ZCCHC24: variants seen among roughly 807,000 people sequenced by gnomAD.
ZCCHC24 encodes zinc finger CCHC domain-containing protein 24.
In ZCCHC24, 10 loss-of-function variants were observed where a neutral mutation model predicts 26.2. The ratio of observed to expected loss-of-function variants is 0.38; its 90% CI spans 0.24 to 0.65. The LOEUF is 0.65. Among genes scored for constraint, ZCCHC24 ranks in the 30% least tolerant of loss-of-function variants. The pLI is 0.54. For synonymous variants in ZCCHC24, 144 were observed against 147.1 expected, an observed-to-expected ratio of 0.98 and a Z score of 0.15; for missense variants, 243 against 329.1, an observed-to-expected ratio of 0.74 and a Z score of 2.03.
At chr10:79,444,776 C>T (rs943245721) in intron 1 of ZCCHC24, among the ~76,000 whole-genome samples, 4 of 152,220 alleles carry the variant, frequency 2.6e-5, no homozygotes, top group African/African-American at 7.2e-5. Context: ...CACTCTCGGT[C>T]CCAGCCCGCG....
rs192351893 is a variant in ZCCHC24, at chr10:79,415,357, T to G, written c.447+17201A>C. Among the ~76,000 whole-genome samples the G allele has an allele frequency of 3.3e-5, 5 of 152,246 alleles. No individual in the cohort carries two copies. The East Asian group carries it at 9.7e-4, about 29-fold the overall frequency. Reference sequence around the variant, plus strand: ...TCAAAATGGTCTCAGGGCAGGACGGTGGGCAGAGGGCCTCTGGGAATCCGT... The same window carrying G: ...TCAAAATGGTCTCAGGGCAGGACGGGGGGCAGAGGGCCTCTGGGAATCCGT... On this transcript the variant is annotated intron_variant, in intron 2 of 3. Coordinates refer to ENST00000372336, the MANE Select transcript of ZCCHC24 (RefSeq NM_153367.4).
chr10:79,393,390 G>C (rs1169169619), intron 3 of ZCCHC24, among the ~76,000 whole-genome samples: 1 of 152,198 alleles, frequency 6.6e-6, no homozygotes, highest in African/African-American at 2.4e-5. Flanking sequence ...AGGTGCTCCA[G>C]CCTGCCTGGG....
Position 79,383,000 on chromosome 10 carries a change from A to C in ZCCHC24, c.*3345T>G, listed in dbSNP as rs1383697906. 6.5e-6 allele frequency: 1 copy of C among 152,704 alleles called. No individual in the cohort carries two copies. Among genetic ancestry groups the C allele is most frequent in the African/African-American group, 2.4e-5 (1 of 41,468 alleles). The allele number at this position is 152,704 out of a possible 1,614,324, so 9.5% of individuals were successfully genotyped here. On this transcript the variant is annotated 3_prime_UTR_variant, in exon 4 of 4. Transcript: ENST00000372336. ...CTTGCCCACTCCCTGTCCCTCTACAAAATTAATAAAACCGTAATAACAAGA... is the reference window on the plus strand; with the variant it reads ...CTTGCCCACTCCCTGTCCCTCTACACAATTAATAAAACCGTAATAACAAGA...
intron 2 of ZCCHC24, chr10:79,394,678 G>A (rs368820707): frequency 1.9e-4 from 185 of 963,732 alleles, no homozygotes; most frequent in South Asian, 2.9e-4. Flanking sequence ...AGGAGATGGC[G>A]CACGTCTCTT....
chr10:79,410,079 C>G (rs933445265), intron 2 of ZCCHC24, among the ~76,000 whole-genome samples: 57 of 152,356 alleles, frequency 3.7e-4, no homozygotes, highest in African/African-American at 1.3e-3. Context: ...CCAAGCACAT[C>G]TGTGCCTCAC....
At chr10:79,386,718 C>T (rs1406488775) in intron 3 of ZCCHC24, among the ~76,000 whole-genome samples, 1 of 152,164 alleles carries the variant, frequency 6.6e-6, no homozygotes, top group African/African-American at 2.4e-5. Flanking sequence ...TCCTCCTGAG[C>T]CCGCATGCAG....
intron 2 of ZCCHC24, among the ~76,000 whole-genome samples, chr10:79,401,696 T>A (rs1008174379): frequency 2.6e-5 from 4 of 152,150 alleles, no homozygotes; most frequent in African/African-American, 9.7e-5. Flanking sequence ...CTGGGCAGGG[T>A]CACTGGCCTC....
chr10:79,417,062 C>T (rs1005324141), intron 2 of ZCCHC24, among the ~76,000 whole-genome samples: 1 of 152,240 alleles, frequency 6.6e-6, no homozygotes, highest in Admixed American at 6.5e-5. Context: ...AGGTGCTGCG[C>T]TAAGTGATTT....
chr10:79,419,408 A>G (rs561161905), intron 2 of ZCCHC24, among the ~76,000 whole-genome samples: 1 of 152,332 alleles, frequency 6.6e-6, no homozygotes, highest in South Asian at 2.1e-4. Flanking sequence ...GCTGGGAAAG[A>G]GCAAAAGTGA....
chr10:79,397,135 G>C (rs1054863352), intron 2 of ZCCHC24, among the ~76,000 whole-genome samples: 1 of 152,316 alleles, frequency 6.6e-6, no homozygotes, highest in East Asian at 1.9e-4. Flanking sequence ...GGGGACATAC[G>C]TGCTGAGTGC....
At chr10:79,398,987 C>T (rs1041893729) in intron 2 of ZCCHC24, among the ~76,000 whole-genome samples, 10 of 152,132 alleles carry the variant, frequency 6.6e-5, no homozygotes, top group Admixed American at 3.9e-4. Context: ...CTTCTGTCTG[C>T]CACCCCCAAA....
intron 2 of ZCCHC24, among the ~76,000 whole-genome samples, chr10:79,418,949 C>T (rs1030522304): frequency 6.0e-5 from 9 of 150,006 alleles, no homozygotes; most frequent in South Asian, 4.2e-4. Context: ...AGAAGAGATT[C>T]GGGAAAGGCA....
intron 2 of ZCCHC24, among the ~76,000 whole-genome samples, chr10:79,408,519 A>C (rs1856748417): frequency 6.6e-6 from 1 of 152,208 alleles, no homozygotes; most frequent in South Asian, 2.1e-4. Context: ...ACTATGAATT[A>C]GGCACCCACA....
rs576739551 is a variant in ZCCHC24, at chr10:79,422,757, C to T, written c.447+9801G>A. 1.9e-4 allele frequency among the ~76,000 whole-genome samples: 29 copies of T among 152,328 alleles called. No individual in the cohort carries two copies. In the East Asian group the frequency reaches 2.3e-3, roughly 12 times the overall value. On this transcript the variant is annotated intron_variant, in intron 2 of 3. Transcript: ENST00000372336. ...TGGGCTCAGGCCCTCCCAGACCTCT[C>T]GCGGCGCCCTGTTCTTAGCTGGACA...
intron 2 of ZCCHC24, among the ~76,000 whole-genome samples, chr10:79,429,207 T>C (rs146261626): frequency 6.6e-6 from 1 of 152,306 alleles, no homozygotes; most frequent in East Asian, 1.9e-4. Context: ...TGATTCTAGT[T>C]ATATGAAATG....
intron 2 of ZCCHC24, among the ~76,000 whole-genome samples, chr10:79,405,429 A>G (rs1240565259): frequency 2.0e-5 from 3 of 152,188 alleles, no homozygotes; most frequent in African/African-American, 7.2e-5. Flanking sequence ...GGTGGACAGC[A>G]GAAGTTAGGG....
At chr10:79,431,018 G>A (rs1857119709) in intron 2 of ZCCHC24, among the ~76,000 whole-genome samples, 1 of 152,208 alleles carries the variant, frequency 6.6e-6, no homozygotes, top group Non-Finnish European at 1.5e-5. Context: ...AACACATAGA[G>A]TAGTTTCATT....
At chr10:79,386,609 G>C in intron 3 of ZCCHC24, 151 bp from the exon 4 acceptor site, 1 of 596,182 alleles carries the variant, frequency 1.7e-6, no homozygotes. Context: ...TGCAGAGACA[G>C]AGACTGACAG....
intron 1 of ZCCHC24, among the ~76,000 whole-genome samples, chr10:79,435,390 G>A (rs550371760): frequency 3.1e-4 from 47 of 152,188 alleles, no homozygotes; most frequent in African/African-American, 1.1e-3. Context: ...GCCCACGGAC[G>A]GCCCCACAGG....
Sources: gnomAD v4.1 joint callset for allele counts (sites outside exome capture counted in the v4.1 genomes callset) on GRCh38, gnomAD v4.1.1 for gene constraint, MANE v1.5 for transcripts, NCBI Gene and HGNC (gene_info 2026-07-23, HGNC 2026-07-21) for gene names.